The following ZNF337 variants were observed in gnomAD, a reference collection of about 807,000 sequenced individuals.
ZNF337 encodes the protein zinc finger protein 337.
ZNF337 carries 8 observed loss-of-function variants against 12.1 expected under a neutral mutation model. The observed-to-expected ratio is 0.66, with a 90% CI of 0.39 to 1.19. The LOEUF (loss-of-function observed/expected upper bound fraction) is 1.19. Among genes scored for constraint, ZNF337 ranks in the 50% most tolerant of loss-of-function variants. The pLI is 0.01. For missense variants in ZNF337, 882 were observed against 896.6 expected (o/e 0.98, Z 0.21); for synonymous variants, 336 against 320.0 (o/e 1.05, Z -0.53).
chr20:25,681,562 C>T (rs1569010372), intron 4 of ZNF337, among the ~76,000 whole-genome samples: 1 of 152,206 alleles, frequency 6.6e-6, no homozygotes, highest in South Asian at 2.1e-4. Flanking sequence ...TGTGTAATTC[C>T]ACTTACATGA....
At chr20:25,682,246 T>C (rs2065777072) in intron 4 of ZNF337, among the ~76,000 whole-genome samples, 1 of 152,114 alleles carries the variant, frequency 6.6e-6, no homozygotes, top group South Asian at 2.1e-4. Flanking sequence ...GTTTTACAGA[T>C]GAAATATGAT....
chr20:25,674,121 A>G lies in ZNF337; in HGVS notation c.*911T>C, dbSNP rs537786419. ...CCAATATGGGACTGCATATACAGAG[A>G]TTTTATTTCCAGATATGACTGTGAG... On this transcript the variant is annotated 3_prime_UTR_variant, in exon 5 of 5. Coordinates refer to ENST00000252979, the MANE Select transcript of ZNF337 (RefSeq NM_015655.4). 1 of 152,326 alleles carries G rather than the reference A, an allele frequency of 6.6e-6. No homozygotes were observed. The highest frequency in any genetic ancestry group is 1.9e-4 in the East Asian group (1 of 5,188). 9.4% of individuals were successfully genotyped at this position (152,326 alleles called of 1,614,324 possible).
intron 4 of ZNF337, among the ~76,000 whole-genome samples, chr20:25,684,818 C>G (rs1254462749): frequency 6.6e-6 from 1 of 152,156 alleles, no homozygotes; most frequent in East Asian, 1.9e-4. Context: ...AGTTCATGTC[C>G]TTTGCAGGAT....
In ZNF337 at chr20:25,675,745, G is replaced by A. The variant is rs778377803; in HGVS notation, c.1543C>T (p.Arg515Cys). Residue 515 changes from arginine (R) to cysteine (C), a missense_variant, in exon 5 of 5, where the codon CGT (arginine) becomes TGT (cysteine). By Grantham distance (180) the Arg-to-Cys change is radical. Coordinates refer to ENST00000252979, the MANE Select transcript of ZNF337 (RefSeq NM_015655.4). ...KHLRAHLGEK[R>C]FFCRDCGRGF... ...CGCCCACAATCCCTGCAGAAAAAAC[G>A]TTTCTCACCCAAGTGTGCCCTCAGG... The A allele has an allele frequency of 5.9e-5, 96 of 1,613,826 alleles. No homozygotes were observed. Among genetic ancestry groups the A allele is most frequent in the Non-Finnish European group, 7.5e-5 (89 of 1,180,006 alleles).
Position 25,675,386 on chromosome 20 carries a change from C to T in ZNF337, c.1902G>A (p.Gly634=). The change falls in exon 5 of 5, where the codon GGG becomes GGA. Residue 634 remains glycine (G), a synonymous_variant. Coordinates refer to ENST00000252979, the MANE Select transcript of ZNF337 (RefSeq NM_015655.4). Reference sequence around the variant, plus strand: ...GATTTCCCTTCCAGTTGAAGCCTCGCCCACACTCCTTGCATACAAAAGGCT... The same window carrying T: ...GATTTCCCTTCCAGTTGAAGCCTCGTCCACACTCCTTGCATACAAAAGGCT... ...GKQPFVCKEC[G]RGFNWKGNLL... is the part of the protein sequence containing the mutation. The T allele has an allele frequency of 6.2e-7, 1 of 1,613,966 alleles. No individual in the cohort carries two copies. The highest frequency in any genetic ancestry group is 1.1e-5 in the South Asian group (1 of 91,070).
At chr20:25,690,904 G>GT (rs2065877628) in intron 1 of ZNF337, among the ~76,000 whole-genome samples, 1 of 152,086 alleles carries the variant, frequency 6.6e-6, no homozygotes, top group African/African-American at 2.4e-5. Flanking sequence ...AAAGGAGGTT[G>GT]TTTTTTCCAC....
rs555976295 is a variant in ZNF337 at position 25,691,737 on chromosome 20, C to T, written c.-50+5022G>A. Among the ~76,000 whole-genome samples the T allele has an allele frequency of 2.3e-4, 35 of 152,298 alleles. No homozygotes were observed. In the East Asian group the frequency reaches 6.8e-3, roughly 29 times the overall value. ...CAGACTCTCACTGTTCTCAGAAAGG[C>T]TCAGTTGATTTTTCTGAATAAATGT... On this transcript the variant is annotated intron_variant, in intron 1 of 4. Transcript: ENST00000252979.
intron 4 of ZNF337, among the ~76,000 whole-genome samples, chr20:25,684,006 T>C (rs936703540): frequency 6.6e-6 from 1 of 152,004 alleles, no homozygotes; most frequent in Non-Finnish European, 1.5e-5. Flanking sequence ...ATATACACCA[T>C]GGAATACTAT....
intron 4 of ZNF337, 103 bp from the exon 5 acceptor site, chr20:25,677,140 A>G (rs963647668): frequency 1.0e-6 from 1 of 974,876 alleles, no homozygotes. Context: ...TAATAAACTC[A>G]TAAAGAACAA....
intron 4 of ZNF337, among the ~76,000 whole-genome samples, chr20:25,678,763 C>T (rs933027831): frequency 5.3e-5 from 8 of 151,910 alleles, no homozygotes; most frequent in Admixed American, 1.3e-4. Flanking sequence ...CTGGGCAACA[C>T]GATGAGACCC....
chr20:25,694,113 T>C (rs543660831), intron 1 of ZNF337, among the ~76,000 whole-genome samples: 1 of 152,302 alleles, frequency 6.6e-6, no homozygotes, highest in East Asian at 1.9e-4. Context: ...TAAGGAAGTG[T>C]TGATATTCAT....
chr20:25,675,422 A>C lies in ZNF337; in HGVS notation c.1866T>G (p.His622Gln). ...TGCATACAAAAGGCTGCTTGCCAGA[A>C]TGTGCAAGCTGGTGTTTCACAAGAT... The part of the protein sequence containing the change: ...KSNLVKHQLA[H>Q]SGKQPFVCKE... The change falls in exon 5 of 5, where the codon CAT becomes CAG. Residue 622 changes from histidine (H) to glutamine (Q), a missense_variant. By Grantham distance (24) the His-to-Gln change is conservative. Coordinates refer to ENST00000252979, the MANE Select transcript of ZNF337 (RefSeq NM_015655.4). The C allele has an allele frequency of 6.2e-7, 1 of 1,611,104 alleles. No individual in the cohort carries two copies. Among genetic ancestry groups the C allele is most frequent in the East Asian group, 2.2e-5 (1 of 44,578 alleles).
intron 4 of ZNF337, among the ~76,000 whole-genome samples, chr20:25,683,924 T>C (rs1455429215): frequency 6.6e-6 from 1 of 151,946 alleles, no homozygotes; most frequent in Non-Finnish European, 1.5e-5. Context: ...TGCAGCACTA[T>C]ACACAATAGC....
intron 1 of ZNF337, among the ~76,000 whole-genome samples, chr20:25,694,652 C>T (rs1025899332): frequency 3.3e-5 from 5 of 152,112 alleles, no homozygotes; most frequent in African/African-American, 1.2e-4. Context: ...CCTTTTTTCC[C>T]TTGCCCAAAT....
Position 25,673,374 on chromosome 20 carries a change from G to C in ZNF337, c.*1658C>G, listed in dbSNP as rs1464528623. ...ATCTTCCCTGTGCTGGACAAGGGTT[G>C]TGTGCAGCTATGTAGGGCACATGCT... is the stretch of plus-strand genomic sequence containing the variant. On this transcript the variant is annotated 3_prime_UTR_variant, in exon 5 of 5. Coordinates refer to ENST00000252979, the MANE Select transcript of ZNF337 (RefSeq NM_015655.4). Among the ~76,000 whole-genome samples, 1 of 152,204 alleles carries C rather than the reference G, an allele frequency of 6.6e-6. No individual in the cohort carries two copies. The highest frequency in any genetic ancestry group is 2.4e-5 in the African/African-American group (1 of 41,452).
chr20:25,696,499 C>T (rs1040895659), intron 1 of ZNF337, among the ~76,000 whole-genome samples: 2 of 152,164 alleles, frequency 1.3e-5, no homozygotes, highest in Non-Finnish European at 2.9e-5. Flanking sequence ...GGCTGTTCAC[C>T]GCCCGAGCCG....
intron 2 of ZNF337, 111 bp from the exon 3 acceptor site, chr20:25,686,233 C>G: frequency 5.8e-6 from 9 of 1,553,788 alleles, no homozygotes; most frequent in Non-Finnish European, 1.8e-6. Flanking sequence ...GAGTGACACC[C>G]ACAGGCCAGT....
chr20:25,675,919 C>G lies in ZNF337; in HGVS notation c.1369G>C (p.Glu457Gln). The G allele has an allele frequency of 3.7e-6, 6 of 1,613,962 alleles. No individual in the cohort carries two copies. The highest frequency in any genetic ancestry group is 5.1e-6 in the Non-Finnish European group (6 of 1,179,964). The change falls in exon 5 of 5, where the codon GAG (glutamate) becomes CAG (glutamine). Residue 457 changes from glutamate to glutamine, a missense_variant. Glu to Gln is a conservative substitution (Grantham distance 29, BLOSUM62 2). Transcript: ENST00000252979. Reference protein sequence around the residue: ...LVKHQITHSEEKPFVCKDCGR... With the variant: ...LVKHQITHSEQKPFVCKDCGR... ...CAGTCCTTGCACACAAAAGGCTTCT[C>G]CTCTGAGTGTGTGATCTGATGTTTC...
intron 2 of ZNF337, 113 bp from the exon 3 acceptor site, chr20:25,686,235 C>T (rs1208376497): frequency 2.6e-6 from 4 of 1,547,940 alleles, no homozygotes; most frequent in Admixed American, 1.8e-5. Context: ...GTGACACCCA[C>T]AGGCCAGTCA....
Sources: gnomAD v4.1 joint callset for allele counts (sites outside exome capture counted in the v4.1 genomes callset) on GRCh38, gnomAD v4.1.1 for gene constraint, MANE v1.5 for transcripts, NCBI Gene and HGNC (gene_info 2026-07-23, HGNC 2026-07-21) for gene names.